The following TASP1 variants were observed in gnomAD, a reference collection of about 807,000 sequenced individuals.
TASP1 encodes threonine aspartase 1.
In TASP1, 16 loss-of-function variants were observed where a neutral mutation model predicts 56.6. The ratio of observed to expected loss-of-function variants is 0.28; its 90% confidence interval spans 0.19 to 0.43. The LOEUF (loss-of-function observed/expected upper bound fraction) is 0.43, where lower values mean the gene tolerates loss of function less well. Among genes scored for constraint, TASP1 ranks in the 20% least tolerant of loss-of-function variants. The probability of loss-of-function intolerance (pLI) is 1.00; values close to 1 mark genes in which losing one functional copy is unlikely to be tolerated. For missense variants in TASP1, 393 were observed against 511.6 expected, an observed-to-expected ratio of 0.77 and a Z score of 2.24; for synonymous variants, 179 against 184.2, an observed-to-expected ratio of 0.97 and a Z score of 0.23.
the TASP1 span, among the ~76,000 whole-genome samples, chr20:13,227,582 C>G: frequency 5.4e-5 from 8 of 148,804 alleles, no homozygotes; most frequent in Non-Finnish European, 8.9e-5. Flanking sequence ...GATCTTGGCT[C>G]ACTTCAAACT....
the TASP1 span, among the ~76,000 whole-genome samples, chr20:13,308,025 C>A: frequency 6.6e-6 from 1 of 152,292 alleles, no homozygotes; most frequent in South Asian, 2.1e-4. Flanking sequence ...GGTGGACACT[C>A]CGTTTAGGAG....
intron 13 of TASP1, chr20:13,392,982 G>C: frequency 1.7e-6 from 1 of 585,318 alleles, no homozygotes; most frequent in Non-Finnish European, 3.2e-6. Context: ...GTATCTTCAC[G>C]ACCATGGAGA....
intron 13 of TASP1, among the ~76,000 whole-genome samples, chr20:13,398,052 A>C (rs2041607187): frequency 1.3e-5 from 2 of 152,194 alleles, no homozygotes; most frequent in Non-Finnish European, 1.5e-5. Context: ...CATGAATCTT[A>C]CTATAGTTTG....
In TASP1 at chr20:13,433,841, T is replaced by TAAAAAAA. The variant is rs111973613; in HGVS notation, c.1096+1196_1096+1202dup. Among the ~76,000 whole-genome samples the TAAAAAAA allele has an allele frequency of 9.7e-3, 1,124 of 116,008 alleles. 15 individuals are homozygous for TAAAAAAA. Among genetic ancestry groups the TAAAAAAA allele is most frequent in the African/African-American group, 0.025 (744 of 29,770 alleles). 76.1% of individuals were successfully genotyped at this position (116,008 alleles called of 152,430 possible). On this transcript the variant is annotated intron_variant, in intron 12 of 13. Transcript: ENST00000337743. The stretch of plus-strand genomic sequence containing the variant: ...CGTGGATGACCTATAGTGTTTGTAT[T>TAAAAAAA]AAAAAAAAAAAAAAAAAAACAGAAG...
At chr20:13,606,182 A>C (rs758172461) in intron 4 of TASP1, among the ~76,000 whole-genome samples, 1 of 152,048 alleles carries the variant, frequency 6.6e-6, no homozygotes, top group Admixed American at 6.6e-5. Flanking sequence ...ATGTATAAAT[A>C]CCTGAGGTCC....
chr20:13,540,969 T>G (rs189450802), intron 8 of TASP1, among the ~76,000 whole-genome samples: 1 of 152,190 alleles, frequency 6.6e-6, no homozygotes, highest in Non-Finnish European at 1.5e-5. Flanking sequence ...TTTTCAACTT[T>G]TTCCTATTGG....
chr20:13,561,582 G>A (rs1193435366), intron 7 of TASP1, among the ~76,000 whole-genome samples: 2 of 152,006 alleles, frequency 1.3e-5, no homozygotes, highest in Admixed American at 6.6e-5. Flanking sequence ...GGCCAGACTC[G>A]TCTCAAACTC....
intron 4 of TASP1, among the ~76,000 whole-genome samples, chr20:13,620,419 C>A (rs772669268): frequency 6.6e-6 from 1 of 152,080 alleles, no homozygotes; most frequent in Non-Finnish European, 1.5e-5. Flanking sequence ...AAATATACAG[C>A]CAGATACACT....
chr20:13,266,167 C>G, the TASP1 span, among the ~76,000 whole-genome samples: 1 of 152,112 alleles, frequency 6.6e-6, no homozygotes, highest in Non-Finnish European at 1.5e-5. Flanking sequence ...GTAGTTTTTG[C>G]CAGGTCCACA....
intron 6 of TASP1, among the ~76,000 whole-genome samples, chr20:13,578,311 T>C (rs2047001993): frequency 6.6e-6 from 1 of 152,102 alleles, no homozygotes; most frequent in Non-Finnish European, 1.5e-5. Context: ...ATTTGTATCC[T>C]TTACTGATTT....
At chr20:13,465,885 T>A (rs2044236679) in intron 11 of TASP1, among the ~76,000 whole-genome samples, 1 of 152,032 alleles carries the variant, frequency 6.6e-6, no homozygotes, top group Non-Finnish European at 1.5e-5. Context: ...AGGGGGAACG[T>A]GAGGGATTCT....
the TASP1 span, among the ~76,000 whole-genome samples, chr20:13,159,602 C>A: frequency 6.6e-6 from 1 of 152,090 alleles, no homozygotes; most frequent in Non-Finnish European, 1.5e-5. Flanking sequence ...AATATAGATT[C>A]TTTCTTTATG....
In TASP1 at chr20:13,615,502, G is replaced by GTT. The variant is rs756677945; in HGVS notation, c.282+7942_282+7943dup. 5.0e-4 allele frequency among the ~76,000 whole-genome samples: 66 copies of GTT among 132,206 alleles called. 1 individual carries two copies. The highest frequency in any genetic ancestry group is 7.1e-4 in the Admixed American group (9 of 12,694). The allele number at this position is 132,206 out of a possible 152,430, so 86.7% of individuals were successfully genotyped here. ...GATTTAGAATCTTGATGAGAATCTG[G>GTT]TTTTTTTTTTTTTTTTTTTTGAGAC... is the stretch of plus-strand genomic sequence containing the variant. On this transcript the variant is annotated intron_variant, in intron 4 of 13. Coordinates refer to ENST00000337743, the MANE Select transcript of TASP1 (RefSeq NM_017714.3).
At chr20:13,311,040 A>G in the TASP1 span, among the ~76,000 whole-genome samples, 1,196 of 152,252 alleles carry the variant, frequency 7.9e-3, 18 homozygotes, top group African/African-American at 0.027. Context: ...CTGAAAATAC[A>G]AAAATTAGCT....
intron 13 of TASP1, among the ~76,000 whole-genome samples, chr20:13,390,922 G>T (rs1157750487): frequency 6.6e-6 from 1 of 152,154 alleles, no homozygotes; most frequent in African/African-American, 2.4e-5. Flanking sequence ...CAAAAACTCA[G>T]ATAATTCAAT....
intron 4 of TASP1, among the ~76,000 whole-genome samples, chr20:13,591,454 G>C (rs1210424603): frequency 6.6e-6 from 1 of 152,006 alleles, no homozygotes; most frequent in African/African-American, 2.4e-5. Context: ...ACTAAGAGAG[G>C]AAACAAACTA....
At chr20:13,342,277 T>G in the TASP1 span, among the ~76,000 whole-genome samples, 1 of 151,916 alleles carries the variant, frequency 6.6e-6, no homozygotes, top group Non-Finnish European at 1.5e-5. Context: ...CAGGCCTGGG[T>G]GGGTTGTTTG....
At chr20:13,305,676 C>T in the TASP1 span, among the ~76,000 whole-genome samples, 81 of 152,064 alleles carry the variant, frequency 5.3e-4, 1 homozygote, top group Non-Finnish European at 2.9e-4. Context: ...AGTTTACAGC[C>T]AGTTGTTTTT....
the TASP1 span, among the ~76,000 whole-genome samples, chr20:13,199,088 A>G: frequency 6.9e-6 from 1 of 145,302 alleles, no homozygotes; most frequent in African/African-American, 2.6e-5. Flanking sequence ...TTTTTTTTGG[A>G]GTTGGGGTCT....
Sources: gnomAD v4.1 joint callset for allele counts (sites outside exome capture counted in the v4.1 genomes callset) on GRCh38, gnomAD v4.1.1 for gene constraint, MANE v1.5 for transcripts, NCBI Gene and HGNC (gene_info 2026-07-23, HGNC 2026-07-21) for gene names.